TXNRD1: variants seen among roughly 807,000 people sequenced by gnomAD.
TXNRD1 encodes the protein thioredoxin reductase 1.
In TXNRD1, 57 loss-of-function variants were observed where a neutral mutation model predicts 80.3. The observed-to-expected ratio is 0.71, with a 90% confidence interval of 0.57 to 0.89. The LOEUF is 0.89. TXNRD1 is among the 40% of genes least tolerant of loss of function. The probability of loss-of-function intolerance (pLI) is 0.00; values close to 1 mark genes in which losing one functional copy is unlikely to be tolerated. For synonymous variants in TXNRD1, 291 were observed against 285.2 expected, an observed-to-expected ratio of 1.02 and a Z score of -0.20; for missense variants, 730 against 803.0, an observed-to-expected ratio of 0.91 and a Z score of 1.10.
chr12:104,348,320 T>C (rs772023438), intron 16 of TXNRD1, 33 bp from the exon 17 acceptor site: 3 of 1,610,928 alleles, frequency 1.9e-6, no homozygotes, highest in Non-Finnish European at 2.5e-6. Context: ...TGCTCAGGCA[T>C]CTGAAGATGT....
chr12:104,283,866 C>T (rs1221329285), intron 3 of TXNRD1, among the ~76,000 whole-genome samples: 1 of 152,060 alleles, frequency 6.6e-6, no homozygotes, highest in African/African-American at 2.4e-5. Flanking sequence ...ACAAAACTCT[C>T]TCTCTCAAAA....
At position 104,256,971 on chromosome 12, in the gene TXNRD1, C is replaced by CTTTTTTTTTTTTTTTT. The variant is rs1437158062; in HGVS notation, c.244-1044_244-1043insTTTTTTTTTTTTTTTT. The stretch of plus-strand genomic sequence containing the variant: ...TTAGAATGAGATGAGAATATATTTT[C>CTTTTTTTTTTTTTTTT]TTTTCTTTTTTTTTTTTTTTCAAGA... On this transcript the variant is annotated intron_variant, in intron 2 of 16. Transcript: ENST00000525566. 3.3e-5 allele frequency among the ~76,000 whole-genome samples: 3 copies of CTTTTTTTTTTTTTTTT among 89,904 alleles called. 1 individual carries two copies. Among genetic ancestry groups the CTTTTTTTTTTTTTTTT allele is most frequent in the Non-Finnish European group, 2.4e-5 (1 of 41,994 alleles). The allele number at this position is 89,904 out of a possible 152,430, so 59.0% of individuals were successfully genotyped here. A position where few individuals can be genotyped will look rare whatever the true frequency, so the allele number is the denominator to read the frequency against.
intron 3 of TXNRD1, among the ~76,000 whole-genome samples, chr12:104,276,332 G>A (rs753712077): frequency 1.3e-5 from 2 of 152,172 alleles, no homozygotes; most frequent in African/African-American, 4.8e-5. Flanking sequence ...AGAGCTGCTG[G>A]GAAGAGAAGA....
chr12:104,308,399 G>A (rs1001432919), intron 4 of TXNRD1, among the ~76,000 whole-genome samples: 1 of 152,084 alleles, frequency 6.6e-6, no homozygotes, highest in African/African-American at 2.4e-5. Context: ...GATATGAGCT[G>A]TCTTTTGTTG....
intron 4 of TXNRD1, among the ~76,000 whole-genome samples, chr12:104,303,092 C>T (rs1044390518): frequency 2.6e-5 from 4 of 152,136 alleles, no homozygotes; most frequent in Admixed American, 2.0e-4. Context: ...TTCTATTCTT[C>T]CACTCCTGGG....
rs1237546693 is a variant in TXNRD1, at chr12:104,215,811, C to G, written c.9C>G (p.Cys3Trp). 4 of 1,560,982 alleles carry G rather than the reference C, an allele frequency of 2.6e-6. No homozygotes were observed. The Admixed American group carries it at 7.7e-5, about 30-fold the overall frequency. The part of the protein sequence containing the change: MG[C>W]AEGKAVAAAA... Reference sequence around the variant, plus strand: ...ACAGGGCCTTGTGCGACATGGGCTGCGCCGAGGGCAAGGCAGTGGCGGCGG... The same window carrying G: ...ACAGGGCCTTGTGCGACATGGGCTGGGCCGAGGGCAAGGCAGTGGCGGCGG... Residue 3 changes from cysteine (C) to tryptophan (W), a missense_variant, in exon 1 of 17, where the codon TGC (cysteine) becomes TGG (tryptophan). Cys to Trp is a radical substitution (Grantham distance 215). Transcript: ENST00000525566.
intron 4 of TXNRD1, among the ~76,000 whole-genome samples, chr12:104,309,469 A>C (rs2035049273): frequency 6.6e-6 from 1 of 152,166 alleles, no homozygotes; most frequent in Non-Finnish European, 1.5e-5. Flanking sequence ...TATTTGTTCT[A>C]GTAGGTATGT....
intron 3 of TXNRD1, chr12:104,262,388 C>G (rs1359219254): frequency 6.6e-6 from 1 of 152,176 alleles, no homozygotes; most frequent in East Asian, 1.9e-4. Context: ...CTTAGCCACA[C>G]AGGAGAGGTG....
intron 4 of TXNRD1, among the ~76,000 whole-genome samples, chr12:104,306,332 T>C (rs1379057604): frequency 6.6e-6 from 1 of 152,222 alleles, no homozygotes; most frequent in African/African-American, 2.4e-5. Flanking sequence ...ATTACAACCT[T>C]ATTTGGAGAT....
intron 6 of TXNRD1, among the ~76,000 whole-genome samples, chr12:104,314,654 G>A (rs949097320): frequency 6.6e-6 from 1 of 151,846 alleles, no homozygotes; most frequent in Non-Finnish European, 1.5e-5. Context: ...AGGGAGCAAG[G>A]GAAGTCATGC....
chr12:104,315,936 G>T, intron 7 of TXNRD1, 40 bp downstream of exon 7: 10 of 1,582,110 alleles, frequency 6.3e-6, no homozygotes, highest in Non-Finnish European at 8.6e-6. Context: ...TGTGCTTTTG[G>T]GGGTTTGAGC....
intron 6 of TXNRD1, among the ~76,000 whole-genome samples, chr12:104,314,619 G>A (rs1439235144): frequency 1.3e-5 from 2 of 151,832 alleles, no homozygotes; most frequent in Non-Finnish European, 2.9e-5. Context: ...TATTCTTTAA[G>A]CTTAGGGATA....
chr12:104,314,743 T>C (rs954566584), intron 6 of TXNRD1, among the ~76,000 whole-genome samples: 39 of 144,740 alleles, frequency 2.7e-4, no homozygotes, highest in African/African-American at 4.9e-4. Context: ...TTTTTCTTTT[T>C]TTTTTTTTTT....
intron 16 of TXNRD1, among the ~76,000 whole-genome samples, chr12:104,343,635 C>T (rs2036396964): frequency 6.6e-6 from 1 of 151,280 alleles, no homozygotes; most frequent in Non-Finnish European, 1.5e-5. Flanking sequence ...CCAATCTCTA[C>T]CAAAAATAAC....
At chr12:104,244,186 C>T (rs1316255300) in intron 1 of TXNRD1, among the ~76,000 whole-genome samples, 1 of 152,132 alleles carries the variant, frequency 6.6e-6, no homozygotes, top group African/African-American at 2.4e-5. Context: ...CAAAACCTGG[C>T]TCTCTGCAGG....
intron 15 of TXNRD1, among the ~76,000 whole-genome samples, chr12:104,337,037 A>G (rs1409689570): frequency 2.0e-5 from 3 of 151,978 alleles, no homozygotes; most frequent in Admixed American, 2.0e-4. Flanking sequence ...TTTGCCACCT[A>G]TTTATGAATG....
chr12:104,249,659 G>C (rs2033069464), intron 1 of TXNRD1, among the ~76,000 whole-genome samples: 1 of 152,144 alleles, frequency 6.6e-6, no homozygotes, highest in Non-Finnish European at 1.5e-5. Flanking sequence ...AAGCTTGCCA[G>C]GCGCGGTGGT....
At chr12:104,348,304 C>T (rs1455449754) in intron 16 of TXNRD1, 49 bp from the exon 17 acceptor site, 16 of 1,578,634 alleles carry the variant, frequency 1.0e-5, no homozygotes, top group Non-Finnish European at 1.3e-5. Flanking sequence ...TCCCTGTTAC[C>T]TCATTTGCTC....
intron 1 of TXNRD1, among the ~76,000 whole-genome samples, chr12:104,242,014 T>G (rs903254867): frequency 7.0e-6 from 1 of 141,932 alleles, no homozygotes; most frequent in African/African-American, 2.6e-5. Context: ...CTCAGCTCAC[T>G]GCAACCTCCA....
Sources: gnomAD v4.1 joint callset for allele counts (sites outside exome capture counted in the v4.1 genomes callset) on GRCh38, gnomAD v4.1.1 for gene constraint, MANE v1.5 for transcripts, NCBI Gene and HGNC (gene_info 2026-07-23, HGNC 2026-07-21) for gene names.